The following RUVBL1 variants were observed in gnomAD, a reference collection of about 807,000 sequenced individuals.
RUVBL1 encodes the protein RuvB like AAA ATPase 1, also known as ruvB-like 1.
Under a neutral mutation model 52.4 loss-of-function variants are expected in RUVBL1, and 4 were observed. The observed-to-expected ratio is 0.08, with a 90% confidence interval of 0.04 to 0.17. The LOEUF is 0.17. RUVBL1 is among the 10% of genes least tolerant of loss of function. The probability of loss-of-function intolerance (pLI) is 1.00; values close to 1 mark genes in which losing one functional copy is unlikely to be tolerated. For missense variants in RUVBL1, 298 were observed against 572.8 expected (o/e 0.52, Z 4.90); for synonymous variants, 217 against 214.4 (o/e 1.01, Z -0.10).
intron 9 of RUVBL1, among the ~76,000 whole-genome samples, chr3:128,069,173 T>G (rs1333445329): frequency 6.6e-6 from 1 of 152,230 alleles, no homozygotes. Flanking sequence ...TTCAACATTA[T>G]AATTAATGTT....
chr3:128,139,067 C>G (rs1457631120), intron 1 of RUVBL1, among the ~76,000 whole-genome samples: 1 of 152,154 alleles, frequency 6.6e-6, no homozygotes, highest in Non-Finnish European at 1.5e-5. Context: ...AGACTTAAAT[C>G]TATGACCTCA....
rs1338835535 is a variant in RUVBL1 at position 128,119,561 on chromosome 3, G to C, written c.142-147C>G. ...CTGCAGTCACTGTTCTAGGTGCCGAGGGTAACGAAGGCAAGGCAGAAAAGC... is the reference window on the plus strand; with the variant it reads ...CTGCAGTCACTGTTCTAGGTGCCGACGGTAACGAAGGCAAGGCAGAAAAGC... On this transcript the variant is annotated intron_variant, in intron 1 of 10. Transcript: ENST00000322623. The C allele has an allele frequency of 1.0e-5, 6 of 579,540 alleles. No individual in the cohort carries two copies. In the Admixed American group the frequency reaches 1.7e-4, roughly 17 times the overall value. The allele number at this position is 579,540 out of a possible 1,614,324, so 35.9% of individuals were successfully genotyped here.
Position 128,100,694 on chromosome 3 carries a change from T to C in RUVBL1, c.654A>G (p.Glu218=). The change falls in exon 6 of 11, where the codon GAA becomes GAG. Residue 218 remains glutamate, a synonymous_variant. Coordinates refer to ENST00000322623, the MANE Select transcript of RUVBL1 (RefSeq NM_003707.3). ...TYATEFDLEA[E]EYVPLPKGDV... ...CCCCTTTTGGCAAGGGGACATACTCTTCAGCTTCAAGGTCGAATTCTGTGG... is the reference window on the plus strand; with the variant it reads ...CCCCTTTTGGCAAGGGGACATACTCCTCAGCTTCAAGGTCGAATTCTGTGG... The C allele has an allele frequency of 7.4e-6, 12 of 1,613,930 alleles. No individual in the cohort carries two copies. The highest frequency in any genetic ancestry group is 1.0e-5 in the Non-Finnish European group (12 of 1,179,974).
downstream of RUVBL1, among the ~76,000 whole-genome samples, chr3:128,080,663 C>T (rs1409269173): frequency 1.3e-5 from 2 of 152,198 alleles, no homozygotes; most frequent in African/African-American, 4.8e-5. Context: ...ATCAGTCCTC[C>T]TCAAAACTGT....
At chr3:128,080,672 G>C (rs1385222134), downstream of RUVBL1, among the ~76,000 whole-genome samples, 1 of 152,158 alleles carries the variant, frequency 6.6e-6, no homozygotes, top group Non-Finnish European at 1.5e-5. Context: ...CCTCAAAACT[G>C]TCAGGGTCAT....
chr3:128,139,382 C>T (rs1186557873), intron 1 of RUVBL1, among the ~76,000 whole-genome samples: 2 of 152,068 alleles, frequency 1.3e-5, no homozygotes, highest in Non-Finnish European at 2.9e-5. Context: ...AAAAAACAGG[C>T]AGAAGATCTG....
At chr3:128,104,644 A>G (rs2107695259) in intron 4 of RUVBL1, 129 bp downstream of exon 4, 1 of 746,472 alleles carries the variant, frequency 1.3e-6, no homozygotes, top group Non-Finnish European at 2.1e-6. Context: ...TCCTCAACCA[A>G]TTCTGTGAGA....
intron 1 of RUVBL1, among the ~76,000 whole-genome samples, chr3:128,134,038 A>C (rs984483782): frequency 2.0e-5 from 3 of 152,134 alleles, no homozygotes; most frequent in Non-Finnish European, 2.9e-5. Flanking sequence ...TATCAGATAA[A>C]TTTAACAAAG....
At chr3:128,119,270 G>A in intron 2 of RUVBL1, 58 bp downstream of exon 2, 1 of 1,319,340 alleles carries the variant, frequency 7.6e-7, no homozygotes, top group Non-Finnish European at 1.1e-6. Flanking sequence ...ATTCAATTTG[G>A]CTTAGACACT....
At chr3:128,129,933 T>C (rs1259579111) in intron 1 of RUVBL1, among the ~76,000 whole-genome samples, 1 of 152,182 alleles carries the variant, frequency 6.6e-6, no homozygotes, top group Non-Finnish European at 1.5e-5. Context: ...TGGAGATGGA[T>C]GATAGTGATG....
At chr3:128,085,678 G>T (rs975138523) in intron 9 of RUVBL1, among the ~76,000 whole-genome samples, 1 of 152,208 alleles carries the variant, frequency 6.6e-6, no homozygotes, top group Non-Finnish European at 1.5e-5. Context: ...CATCCCCACA[G>T]CACTCCTGCA....
At chr3:128,092,230 T>C (rs1469598451) in intron 8 of RUVBL1, among the ~76,000 whole-genome samples, 3 of 152,178 alleles carry the variant, frequency 2.0e-5, no homozygotes, top group Non-Finnish European at 4.4e-5. Flanking sequence ...AACCTATATA[T>C]AAAAGCCGAA....
rs1022555896 is a variant in RUVBL1 at position 128,067,999 on chromosome 3, A to C, written c.940-2779T>G. 6.2e-7 allele frequency: 1 copy of C among 1,613,838 alleles called. No individual in the cohort carries two copies. Among genetic ancestry groups the C allele is most frequent in the African/African-American group, 1.3e-5 (1 of 74,884 alleles). On this transcript the variant is annotated intron_variant, in intron 9 of 9. Coordinates refer to the RUVBL1 transcript ENST00000464873. This position sits in a 1 kb window ranked among gnomAD's most constrained non-coding sequence, Gnocchi z 4.1. ...ACCCTGCAGGTTGCAAAGCAGCTGA[A>C]GGAGCAGCAGATGGTGATGAGAGGC...
intron 8 of RUVBL1, among the ~76,000 whole-genome samples, chr3:128,094,292 G>A (rs1942919616): frequency 6.6e-6 from 1 of 152,210 alleles, no homozygotes; most frequent in Admixed American, 6.5e-5. Flanking sequence ...CAGAGAGTGG[G>A]CTCACTTCTG....
intron 1 of RUVBL1, among the ~76,000 whole-genome samples, chr3:128,140,229 TTTG>T (rs1347574538): frequency 5.2e-4 from 15 of 28,788 alleles, no homozygotes; most frequent in Middle Eastern, 0.013. Flanking sequence ...TTTTTGTTTG[TTTG>T]TTTTTTTTTT....
downstream of RUVBL1, among the ~76,000 whole-genome samples, chr3:128,079,901 C>G (rs1338052104): frequency 6.6e-6 from 1 of 152,234 alleles, no homozygotes; most frequent in Admixed American, 6.5e-5. Flanking sequence ...GCCCTGCCTC[C>G]CATATCATTA....
chr3:128,115,441 C>T (rs554426293), intron 2 of RUVBL1, among the ~76,000 whole-genome samples: 1 of 152,338 alleles, frequency 6.6e-6, no homozygotes, highest in East Asian at 1.9e-4. Context: ...ATGAACCATG[C>T]ATTTGCATCT....
intron 8 of RUVBL1, among the ~76,000 whole-genome samples, chr3:128,088,684 C>A (rs989475600): frequency 6.6e-6 from 1 of 151,746 alleles, no homozygotes; most frequent in East Asian, 1.9e-4. Context: ...CTCACTGCAG[C>A]CCTGGACTCC....
At chr3:128,145,999 C>T (rs182754140) in intron 1 of RUVBL1, among the ~76,000 whole-genome samples, 19 of 152,100 alleles carry the variant, frequency 1.2e-4, no homozygotes, top group East Asian at 7.7e-4. Flanking sequence ...AAACCATACA[C>T]GTATGTTCAA....
Sources: gnomAD v4.1 joint callset for allele counts (sites outside exome capture counted in the v4.1 genomes callset) on GRCh38, gnomAD v4.1.1 for gene constraint, Gnocchi (gnomAD v3.1) non-coding constraint, MANE v1.5 for transcripts, NCBI Gene and HGNC (gene_info 2026-07-23, HGNC 2026-07-21) for gene names.